The following PHC3 variants were observed in gnomAD, a reference collection of about 807,000 sequenced individuals.
PHC3 encodes the protein polyhomeotic homolog 3, also known as polyhomeotic-like protein 3.
Under a neutral mutation model 107.4 loss-of-function variants are expected in PHC3, and 13 were observed. The ratio of observed to expected loss-of-function variants is 0.12; its 90% CI spans 0.08 to 0.19. The LOEUF (loss-of-function observed/expected upper bound fraction) is 0.19. PHC3 is among the 10% of genes least tolerant of loss of function. The probability of loss-of-function intolerance (pLI) is 1.00; values close to 1 mark genes in which losing one functional copy is unlikely to be tolerated. For synonymous variants in PHC3, 456 were observed against 427.4 expected (o/e 1.07, Z -0.83); for missense variants, 992 against 1,210.9 (o/e 0.82, Z 2.68).
chr3:170,146,877 CTTTTTT>C (rs1035803336), intron 5 of PHC3, among the ~76,000 whole-genome samples: 14 of 98,008 alleles, frequency 1.4e-4, no homozygotes, highest in Admixed American at 1.3e-3. Context: ...TCTATTTTTT[CTTTTTT>C]TTTTTTTTTT....
At chr3:170,119,961 T>C (rs1719894750) in intron 9 of PHC3, among the ~76,000 whole-genome samples, 1 of 152,186 alleles carries the variant, frequency 6.6e-6, no homozygotes, top group African/African-American at 2.4e-5. Context: ...GAGATGTGCT[T>C]GTCAGGATCT....
chr3:170,175,950 G>A (rs1187138834), intron 2 of PHC3, among the ~76,000 whole-genome samples: 9 of 145,304 alleles, frequency 6.2e-5, no homozygotes, highest in Admixed American at 2.1e-4. Context: ...AAACCCGGCC[G>A]GGCACGGTAG....
At chr3:170,171,172 G>C (rs1467393897) in intron 4 of PHC3, 5 of 573,950 alleles carry the variant, frequency 8.7e-6, no homozygotes, top group South Asian at 2.4e-5. Context: ...AATACAAAAA[G>C]ATTTTTTTAA....
At chr3:170,148,751 A>G (rs1725421313) in intron 5 of PHC3, 1 of 169,334 alleles carries the variant, frequency 5.9e-6, no homozygotes, top group Admixed American at 5.9e-5. Context: ...CCAAGATGCC[A>G]TCAGTTATAA....
intron 14 of PHC3, among the ~76,000 whole-genome samples, chr3:170,098,336 A>G (rs1204991734): frequency 1.3e-5 from 2 of 152,214 alleles, no homozygotes; most frequent in African/African-American, 2.4e-5. Context: ...ATTTAAGAAT[A>G]CACATAAAAA....
At chr3:170,129,824 G>A (rs1049237020) in intron 7 of PHC3, among the ~76,000 whole-genome samples, 6 of 151,770 alleles carry the variant, frequency 4.0e-5, no homozygotes, top group East Asian at 3.9e-4. Flanking sequence ...CTCTGCCTCC[G>A]GAGTAGCTGG....
rs1721766057 is a variant in PHC3 at position 170,128,778 on chromosome 3, G to C, written c.1694C>G (p.Ala565Gly). The change falls in exon 8 of 15, where the codon GCT (alanine) becomes GGT (glycine). Residue 565 changes from alanine (A) to glycine (G), a missense_variant. Physicochemically the swap from Ala to Gly is moderately conservative, Grantham distance 60. This residue lies in a region of PHC3 where 543 missense variants were observed against 590.8 expected (regional missense o/e 0.92). Coordinates refer to ENST00000495893, the MANE Select transcript of PHC3 (RefSeq NM_024947.4). ...VSEEELPAAE[A>G]LVQLPFQTLP... ...AGTCTGAAATGGCAACTGGACCAAA[G>C]CTTCTGCAGCTGGAAGTTCCTCTTC... The C allele has an allele frequency of 6.2e-7, 1 of 1,613,882 alleles. No homozygotes were observed. The highest frequency in any genetic ancestry group is 1.3e-5 in the African/African-American group (1 of 74,916).
chr3:170,128,609 A>G, intron 8 of PHC3, 75 bp downstream of exon 8: 1 of 1,492,134 alleles, frequency 6.7e-7, no homozygotes, highest in Non-Finnish European at 9.0e-7. Context: ...AGATCTTGCA[A>G]TAAAACATAG....
At chr3:170,109,756 T>C (rs369075408) in intron 11 of PHC3, among the ~76,000 whole-genome samples, 18 of 152,264 alleles carry the variant, frequency 1.2e-4, no homozygotes, top group East Asian at 1.2e-3. Context: ...AATCTACTGG[T>C]TGGAGACTCT....
intron 8 of PHC3, among the ~76,000 whole-genome samples, chr3:170,127,059 T>A (rs1399780747): frequency 6.6e-6 from 1 of 152,164 alleles, no homozygotes; most frequent in African/African-American, 2.4e-5. Flanking sequence ...AAATTAAAAA[T>A]TTTTTGAAGG....
At chr3:170,115,598 T>C (rs1420147784) in intron 10 of PHC3, among the ~76,000 whole-genome samples, 1 of 152,222 alleles carries the variant, frequency 6.6e-6, no homozygotes, top group Non-Finnish European at 1.5e-5. Flanking sequence ...GTATTAGTTT[T>C]ATAATGTGAA....
chr3:170,121,859 C>T (rs1720408954), intron 9 of PHC3, among the ~76,000 whole-genome samples: 1 of 152,148 alleles, frequency 6.6e-6, no homozygotes, highest in Non-Finnish European at 1.5e-5. Context: ...GCATATGAAA[C>T]ATGTCTGCAC....
chr3:170,160,258 A>C (rs1487663494), intron 4 of PHC3, among the ~76,000 whole-genome samples: 1 of 152,198 alleles, frequency 6.6e-6, no homozygotes, highest in African/African-American at 2.4e-5. Flanking sequence ...CTTGTCTGCA[A>C]ACTCTACCTG....
intron 7 of PHC3, among the ~76,000 whole-genome samples, chr3:170,131,768 C>T (rs1438721657): frequency 2.0e-5 from 3 of 151,990 alleles, no homozygotes; most frequent in Non-Finnish European, 2.9e-5. Context: ...ACTCGGGAGG[C>T]GGAAGTTGCA....
chr3:170,100,377 G>C (rs61085857), intron 14 of PHC3, among the ~76,000 whole-genome samples: 41 of 152,222 alleles, frequency 2.7e-4, no homozygotes, highest in African/African-American at 9.6e-4. Context: ...GCATTTTCTG[G>C]TATGAGATTA....
chr3:170,105,877 T>G (rs1458091953), intron 12 of PHC3, among the ~76,000 whole-genome samples: 5 of 152,158 alleles, frequency 3.3e-5, no homozygotes, highest in South Asian at 2.1e-4. Flanking sequence ...ACTTGGGAAT[T>G]ATACGATTAA....
rs1490211537 is a variant in PHC3, at chr3:170,149,365, G to C, written c.415-121C>G. 5 of 878,902 alleles carry C rather than the reference G, an allele frequency of 5.7e-6. No individual in the cohort carries two copies. In the African/African-American group the frequency reaches 8.4e-5, roughly 15 times the overall value. The allele number at this position is 878,902 out of a possible 1,614,324, so 54.4% of individuals were successfully genotyped here. The stretch of plus-strand genomic sequence containing the variant: ...AACTGTGGCTAAGGAACCCAAAGGA[G>C]AAGCCTTTATCTTTGACAGACCCCC... On this transcript the variant is annotated intron_variant, in intron 4 of 14. Transcript: ENST00000495893.
At chr3:170,151,743 G>C (rs59892304) in intron 4 of PHC3, among the ~76,000 whole-genome samples, 48,391 of 152,010 alleles carry the variant, frequency 0.32, 7,792 homozygotes, top group East Asian at 0.49. Flanking sequence ...GCTCCTAGTG[G>C]AGGCAGGGAA....
chr3:170,101,548 A>G (rs1234125709), intron 14 of PHC3, among the ~76,000 whole-genome samples: 2 of 152,194 alleles, frequency 1.3e-5, no homozygotes, highest in Non-Finnish European at 2.9e-5. Flanking sequence ...AAGAGAAATG[A>G]TATGATTCGC....
Sources: gnomAD v4.1 joint callset for allele counts (sites outside exome capture counted in the v4.1 genomes callset) on GRCh38, gnomAD v4.1.1 for gene constraint, gnomAD v4.1.1 regional missense constraint, MANE v1.5 for transcripts, NCBI Gene and HGNC (gene_info 2026-07-23, HGNC 2026-07-21) for gene names.